The following TMF1 variants were observed in gnomAD, a reference collection of about 807,000 sequenced individuals.
TMF1 encodes TATA element modulatory factor.
TMF1 carries 71 observed loss-of-function variants against 126.5 expected under a neutral mutation model. That is an observed-to-expected ratio of 0.56 (90% CI 0.46 to 0.68). The LOEUF (loss-of-function observed/expected upper bound fraction) is 0.68. Among genes scored for constraint, TMF1 ranks in the 30% least tolerant of loss-of-function variants. The probability of loss-of-function intolerance (pLI) is 0.00; values close to 1 mark genes in which losing one functional copy is unlikely to be tolerated. For synonymous variants in TMF1, 461 were observed against 430.5 expected, an observed-to-expected ratio of 1.07 and a Z score of -0.88; for missense variants, 1,259 against 1,253.2, an observed-to-expected ratio of 1.00 and a Z score of -0.07.
intron 11 of TMF1, among the ~76,000 whole-genome samples, chr3:69,029,445 A>AT (rs2091787289): frequency 1.1e-5 from 1 of 90,536 alleles, no homozygotes; most frequent in Non-Finnish European, 2.2e-5. Flanking sequence ...TACTTATTTA[A>AT]TTTATTTTTT....
In TMF1 at chr3:69,022,887, AT is replaced by A. The variant is rs562634049; in HGVS notation, c.*289del. The A allele has an allele frequency of 4.3e-4, 97 of 225,496 alleles. No homozygotes were observed. The highest frequency in any genetic ancestry group is 7.7e-4 in the Non-Finnish European group (89 of 115,734). The allele number at this position is 225,496 out of a possible 1,614,324, so 14.0% of individuals were successfully genotyped here. A position where few individuals can be genotyped will look rare whatever the true frequency, so the allele number is the denominator to read the frequency against. On this transcript the variant is annotated 3_prime_UTR_variant, in exon 17 of 17. Transcript: ENST00000398559. ...TGAACACCATTCTTCTTCTCTAGCC[AT>A]ATTTATATGAGGATAAAGTAATAAA...
At chr3:69,035,809 A>T (rs988109012) in intron 8 of TMF1, among the ~76,000 whole-genome samples, 8 of 152,304 alleles carry the variant, frequency 5.3e-5, no homozygotes, top group African/African-American at 1.9e-4. Context: ...AAACTATAAA[A>T]TAACACGTAA....
At chr3:69,040,742 T>A (rs1423741638) in intron 5 of TMF1, among the ~76,000 whole-genome samples, 1 of 152,048 alleles carries the variant, frequency 6.6e-6, no homozygotes, top group Non-Finnish European at 1.5e-5. Context: ...GCCAACATGG[T>A]GAAACCCCAT....
intron 11 of TMF1, among the ~76,000 whole-genome samples, chr3:69,029,449 A>ATT (rs67270234): frequency 4.2e-5 from 6 of 144,316 alleles, no homozygotes; most frequent in Non-Finnish European, 9.1e-5. Flanking sequence ...TATTTAATTT[A>ATT]TTTTTTTTTT....
chr3:69,026,207 G>A (rs934000252), intron 13 of TMF1, 110 bp from the exon 14 acceptor site: 8 of 692,278 alleles, frequency 1.2e-5, no homozygotes, highest in South Asian at 1.9e-5. Flanking sequence ...TTTTAAAAAA[G>A]CCACACTACA....
In TMF1 at chr3:69,045,122, C is replaced by T. The variant is rs747220550; in HGVS notation, c.1348-527G>A. On this transcript the variant is annotated intron_variant, in intron 2 of 16. Coordinates refer to ENST00000398559, the MANE Select transcript of TMF1 (RefSeq NM_007114.3). ...TCTATTTTCTGTATTATTCTTTACC[C>T]GAAACACATACCCTTTTTAAAATAT... Among the ~76,000 whole-genome samples the T allele has an allele frequency of 3.3e-5, 5 of 152,080 alleles. No individual in the cohort carries two copies. In the South Asian group the frequency reaches 6.2e-4, roughly 19 times the overall value.
At chr3:69,034,962 C>T in intron 9 of TMF1, 61 bp downstream of exon 9, 1 of 1,444,000 alleles carries the variant, frequency 6.9e-7, no homozygotes, top group South Asian at 1.1e-5. Flanking sequence ...CTGAGGAATT[C>T]TTTTATTTCT....
At chr3:69,044,632 G>T in intron 2 of TMF1, 37 bp from the exon 3 acceptor site, 1 of 1,434,998 alleles carries the variant, frequency 7.0e-7, no homozygotes, top group Non-Finnish European at 9.6e-7. Context: ...AGAACGCTTA[G>T]CTTTAAAAAA....
intron 15 of TMF1, chr3:69,025,142 G>A (rs2091761240): frequency 6.4e-6 from 1 of 155,798 alleles, no homozygotes; most frequent in Non-Finnish European, 1.4e-5. Context: ...GGGGTAGCTG[G>A]AACAACTTAT....
Position 69,022,968 on chromosome 3 carries a change from G to C in TMF1, c.*209C>G. 2.3e-6 allele frequency: 1 copy of C among 426,346 alleles called. No individual in the cohort carries two copies. Among genetic ancestry groups the C allele is most frequent in the Non-Finnish European group, 4.1e-6 (1 of 244,154 alleles). The allele number at this position is 426,346 out of a possible 1,614,324, so 26.4% of individuals were successfully genotyped here. On this transcript the variant is annotated 3_prime_UTR_variant, in exon 17 of 17. Transcript: ENST00000398559. ...ATGCTTTAAAAAATAAATCTTTAAA[G>C]AATAGTTTCAAAAATAAAGTTCAAA... is the stretch of plus-strand genomic sequence containing the variant.
At chr3:69,034,921 T>C (rs2091824063) in intron 9 of TMF1, 102 bp downstream of exon 9, 4 of 1,062,146 alleles carry the variant, frequency 3.8e-6, no homozygotes, top group Admixed American at 1.9e-5. Context: ...GGTGTGACAG[T>C]AATCCTCTCA....
chr3:69,034,054 C>G (rs1260449487), intron 9 of TMF1: 1 of 171,088 alleles, frequency 5.8e-6, no homozygotes, highest in African/African-American at 2.4e-5. Flanking sequence ...AGCAGGCAAT[C>G]TGACTGCCTC....
At chr3:69,043,059 T>A (rs988122862) in intron 4 of TMF1, 147 bp from the exon 5 acceptor site, 7 of 586,358 alleles carry the variant, frequency 1.2e-5, no homozygotes, top group African/African-American at 1.9e-5. Flanking sequence ...ACTACCTTGG[T>A]TAACTAAGAC....
At chr3:69,032,064 A>T (rs1417857739) in intron 10 of TMF1, among the ~76,000 whole-genome samples, 1 of 152,170 alleles carries the variant, frequency 6.6e-6, no homozygotes, top group African/African-American at 2.4e-5. Flanking sequence ...CATTTTTTTA[A>T]GTAAATGAAT....
intron 12 of TMF1, 72 bp from the exon 13 acceptor site, chr3:69,028,064 T>G (rs568108504): frequency 4.3e-6 from 5 of 1,167,818 alleles, no homozygotes; most frequent in Non-Finnish European, 6.3e-6. Context: ...ATCTCAAAGT[T>G]AGAAGCATAA....
chr3:69,042,641 A>G (rs923849554), intron 5 of TMF1, 166 bp downstream of exon 5: 3 of 707,698 alleles, frequency 4.2e-6, no homozygotes, highest in South Asian at 1.5e-5. Flanking sequence ...CTGTCTCAAT[A>G]TATCTTATTC....
At chr3:69,042,713 A>G in intron 5 of TMF1, 94 bp downstream of exon 5, 1 of 1,024,042 alleles carries the variant, frequency 9.8e-7, no homozygotes, top group Non-Finnish European at 1.5e-6. Flanking sequence ...CCTTGCTTTC[A>G]GTATTTTTAA....
rs776976891 is a variant in TMF1 at position 69,029,833 on chromosome 3, A to G, written c.2576T>C (p.Leu859Pro). The change falls in exon 11 of 17, where the codon CTG becomes CCG. Residue 859 changes from leucine to proline, a missense_variant. By Grantham distance (98) the Leu-to-Pro change is moderately conservative. Transcript: ENST00000398559. ...TGCTCACCTATTGTTCTCATCCTCCAGTTTACACAGCCTATTTTTCTCTGA... is the reference window on the plus strand; with the variant it reads ...TGCTCACCTATTGTTCTCATCCTCCGGTTTACACAGCCTATTTTTCTCTGA... ...LESEKNRLCK[L>P]EDENNRYQVE... 7 of 1,612,428 alleles carry G rather than the reference A, an allele frequency of 4.3e-6. No homozygotes were observed. Among genetic ancestry groups the G allele is most frequent in the Non-Finnish European group, 5.9e-6 (7 of 1,179,228 alleles).
At chr3:69,038,028 C>T (rs924364983) in intron 8 of TMF1, among the ~76,000 whole-genome samples, 1 of 152,072 alleles carries the variant, frequency 6.6e-6, no homozygotes, top group African/African-American at 2.4e-5. Flanking sequence ...ATAGAGTTAC[C>T]ATATGACCTA....
Sources: allele counts gnomAD v4.1 joint callset (sites outside exome capture counted in the v4.1 genomes callset), GRCh38; gene constraint gnomAD v4.1.1; transcripts MANE v1.5; gene names NCBI Gene and HGNC (gene_info 2026-07-23, HGNC 2026-07-21).